NMRK1: variants seen among roughly 807,000 people sequenced by gnomAD.
NMRK1 encodes the protein nicotinamide riboside kinase 1.
Under a neutral mutation model 29.9 loss-of-function variants are expected in NMRK1, and 28 were observed. That is an observed-to-expected ratio of 0.94 (90% CI 0.69 to 1.28). The LOEUF is 1.28. Among genes scored for constraint, NMRK1 ranks in the 50% most tolerant of loss-of-function variants. The pLI, the probability that NMRK1 is intolerant of heterozygous loss-of-function variation, is 0.00. For missense variants in NMRK1, 218 were observed against 233.1 expected (o/e 0.94, Z 0.42); for synonymous variants, 58 against 73.0 (o/e 0.79, Z 1.05).
intron 2 of NMRK1, chr9:75,082,833 G>T: frequency 2.0e-6 from 1 of 510,862 alleles, no homozygotes; most frequent in Non-Finnish European, 3.5e-6. Context: ...TGTCTCTGGT[G>T]TTAGCTCCAC....
chr9:75,087,670 G>A (rs1824749589), intron 1 of NMRK1: 1 of 151,922 alleles, frequency 6.6e-6, no homozygotes, highest in Admixed American at 6.6e-5. Flanking sequence ...CAGCAGGCGG[G>A]CAGTAGGTCA....
In NMRK1 at chr9:75,066,858, G is replaced by C. The variant is rs1299853119; in HGVS notation, c.497-18C>G. 2 of 1,439,048 alleles carry C rather than the reference G, an allele frequency of 1.4e-6. No individual in the cohort carries two copies. The highest frequency in any genetic ancestry group is 2.4e-5 in the South Asian group (2 of 84,586). The allele number at this position is 1,439,048 out of a possible 1,614,324, so 89.1% of individuals were successfully genotyped here. On this transcript the variant is annotated intron_variant, in intron 7 of 8. Coordinates refer to ENST00000361092, the MANE Select transcript of NMRK1 (RefSeq NM_017881.3). ...CAGGTACACTACGAAGGGGAAAAGA[G>C]AGCAGTTCAAATGCTAACAGGCTTA...
intron 2 of NMRK1, among the ~76,000 whole-genome samples, chr9:75,082,543 C>A (rs978540985): frequency 4.6e-5 from 7 of 152,212 alleles, no homozygotes; most frequent in Admixed American, 4.6e-4. Flanking sequence ...TATTTGCATG[C>A]CTGCCTATGG....
intron 6 of NMRK1, 195 bp downstream of exon 6, chr9:75,069,547 C>A: frequency 1.8e-6 from 1 of 555,902 alleles, no homozygotes; most frequent in East Asian, 3.2e-5. Flanking sequence ...AGGCCCTTTT[C>A]TTAGAAAGTA....
intron 2 of NMRK1, chr9:75,082,642 T>C (rs1363047037): frequency 6.2e-6 from 1 of 160,788 alleles, no homozygotes; most frequent in African/African-American, 2.4e-5. Flanking sequence ...TTGGGCAACA[T>C]GGGACATAAG....
chr9:75,064,821 A>G (rs918040977), intron 8 of NMRK1, among the ~76,000 whole-genome samples: 55 of 152,240 alleles, frequency 3.6e-4, no homozygotes, highest in African/African-American at 1.3e-3. Context: ...GGAGTGAGTC[A>G]TACTGTCTTC....
chr9:75,075,850 G>A (rs1823957092), intron 4 of NMRK1, among the ~76,000 whole-genome samples: 3 of 152,160 alleles, frequency 2.0e-5, no homozygotes, highest in Admixed American at 2.0e-4. Flanking sequence ...GTGGTTGAGG[G>A]TGGCCAATGT....
intron 8 of NMRK1, among the ~76,000 whole-genome samples, chr9:75,063,284 C>T (rs10283526): frequency 0.51 from 69,914 of 135,896 alleles, 18,023 homozygotes; most frequent in African/African-American, 0.66. Context: ...CCAGCCTGGG[C>T]GACAGAGCGA....
intron 8 of NMRK1, among the ~76,000 whole-genome samples, chr9:75,063,972 T>A (rs1000257116): frequency 3.3e-5 from 5 of 152,218 alleles, no homozygotes; most frequent in African/African-American, 9.6e-5. Flanking sequence ...GTTTTTTTTT[T>A]AAACTTTAAC....
In NMRK1 at chr9:75,076,591, T is replaced by A. The variant is rs538399864; in HGVS notation, c.169+568A>T. On this transcript the variant is annotated intron_variant, in intron 4 of 8. Coordinates refer to ENST00000361092, the MANE Select transcript of NMRK1 (RefSeq NM_017881.3). Reference sequence around the variant, plus strand: ...TGTTTTCAGTTTTATTATTTCATTTTAAAAAATATATATTTTTGAGACAGG... The same window carrying A: ...TGTTTTCAGTTTTATTATTTCATTTAAAAAAATATATATTTTTGAGACAGG... 7.9e-5 allele frequency among the ~76,000 whole-genome samples: 12 copies of A among 152,320 alleles called. No individual in the cohort carries two copies. The East Asian group carries it at 2.3e-3, about 29-fold the overall frequency.
chr9:75,066,743 A>C lies in NMRK1; in HGVS notation c.580+14T>G. Reference sequence around the variant, plus strand: ...TTTCTCCTCTACCATCCACTTTGTTAGCACAATACTTACACTTTTGCTTTG... The same window carrying C: ...TTTCTCCTCTACCATCCACTTTGTTCGCACAATACTTACACTTTTGCTTTG... On this transcript the variant is annotated intron_variant, in intron 8 of 8. Coordinates refer to ENST00000361092, the MANE Select transcript of NMRK1 (RefSeq NM_017881.3). 6.9e-7 allele frequency: 1 copy of C among 1,455,764 alleles called. No individual in the cohort carries two copies. The allele number at this position is 1,455,764 out of a possible 1,614,324, so 90.2% of individuals were successfully genotyped here.
chr9:75,082,945 T>C, intron 2 of NMRK1, 142 bp downstream of exon 2: 1 of 667,446 alleles, frequency 1.5e-6, no homozygotes, highest in Non-Finnish European at 2.7e-6. Flanking sequence ...AAGCCAGTGC[T>C]CCACTGATAT....
chr9:75,084,321 C>G (rs1824494767), intron 1 of NMRK1, among the ~76,000 whole-genome samples: 1 of 152,220 alleles, frequency 6.6e-6, no homozygotes. Flanking sequence ...TTTCTATGAT[C>G]TGTGTCCACA....
intron 4 of NMRK1, among the ~76,000 whole-genome samples, chr9:75,072,621 G>C (rs1309400089): frequency 6.6e-6 from 1 of 152,150 alleles, no homozygotes; most frequent in Non-Finnish European, 1.5e-5. Context: ...ACTCAAGAGA[G>C]AGTTCATTAT....
chr9:75,082,929 T>C, intron 2 of NMRK1, 158 bp downstream of exon 2: 1 of 616,774 alleles, frequency 1.6e-6, no homozygotes, highest in Non-Finnish European at 2.9e-6. Flanking sequence ...CTTGTTGGCA[T>C]TTATGAAGCC....
Position 75,069,025 on chromosome 9 carries a change from T to G in NMRK1, c.467A>C (p.Gln156Pro). ...HVWPMYLKYR[Q>P]EMQDITWEVV... ...TTCCCATGTGATGTCCTGCATTTCT[T>G]GTCTGTACTTTAGATACATGGGCCA... Residue 156 changes from glutamine to proline, a missense_variant, in exon 7 of 9, where the codon CAA becomes CCA. Gln to Pro is a moderately conservative substitution (Grantham distance 76, BLOSUM62 -1). Coordinates refer to ENST00000361092, the MANE Select transcript of NMRK1 (RefSeq NM_017881.3). 1 of 1,614,112 alleles carries G rather than the reference T, an allele frequency of 6.2e-7. No individual in the cohort carries two copies. The highest frequency in any genetic ancestry group is 8.5e-7 in the Non-Finnish European group (1 of 1,179,926).
chr9:75,076,438 G>A (rs192729415), intron 4 of NMRK1, among the ~76,000 whole-genome samples: 1 of 151,890 alleles, frequency 6.6e-6, no homozygotes, highest in Non-Finnish European at 1.5e-5. Context: ...GGAGGCAGGT[G>A]GGGGGGAATG....
intron 1 of NMRK1, among the ~76,000 whole-genome samples, chr9:75,085,726 GTTTTTTTT>G (rs58741153): frequency 8.2e-5 from 7 of 85,130 alleles, no homozygotes; most frequent in South Asian, 4.6e-4. Flanking sequence ...TCAAATGTAA[GTTTTTTTT>G]TTTTTTTTTT....
At chr9:75,071,996 G>A (rs1296953090) in intron 4 of NMRK1, among the ~76,000 whole-genome samples, 1 of 152,184 alleles carries the variant, frequency 6.6e-6, no homozygotes. Context: ...CCTTGCTAAT[G>A]CTGAATGGAT....
Sources: allele counts gnomAD v4.1 joint callset (sites outside exome capture counted in the v4.1 genomes callset), GRCh38; gene constraint gnomAD v4.1.1; transcripts MANE v1.5; gene names NCBI Gene and HGNC (gene_info 2026-07-23, HGNC 2026-07-21).